Variants in PPM1L observed in about 807,000 individuals in gnomAD.
PPM1L encodes protein phosphatase, Mg2+/Mn2+ dependent 1L.
PPM1L carries 13 observed loss-of-function variants against 31.4 expected under a neutral mutation model. The observed-to-expected ratio is 0.41, with a 90% CI of 0.27 to 0.66. The LOEUF is 0.66. Among genes scored for constraint, PPM1L ranks in the 30% least tolerant of loss-of-function variants. PPM1L has a pLI of 0.29. For synonymous variants in PPM1L, 184 were observed against 175.4 expected (o/e 1.05, Z -0.39); for missense variants, 326 against 453.7 (o/e 0.72, Z 2.56).
At chr3:160,850,104 A>G (rs1189242520) in intron 1 of PPM1L, among the ~76,000 whole-genome samples, 2 of 152,136 alleles carry the variant, frequency 1.3e-5, no homozygotes, top group South Asian at 2.1e-4. Context: ...CTCCTCACCT[A>G]CGGCTATCAA....
chr3:160,893,551 C>T (rs757806381), intron 1 of PPM1L, among the ~76,000 whole-genome samples: 46 of 152,154 alleles, frequency 3.0e-4, no homozygotes, highest in Non-Finnish European at 4.6e-4. Context: ...TCTATCAGAG[C>T]TCCCTAAATG....
intron 1 of PPM1L, among the ~76,000 whole-genome samples, chr3:160,764,715 C>G (rs1018691242): frequency 2.0e-5 from 3 of 152,048 alleles, no homozygotes; most frequent in East Asian, 1.9e-4. Context: ...CAATCTGCCC[C>G]CCTCGGCCTC....
intron 2 of PPM1L, among the ~76,000 whole-genome samples, chr3:161,056,237 C>T (rs1039950865): frequency 5.3e-5 from 8 of 152,080 alleles, no homozygotes; most frequent in African/African-American, 1.9e-4. Context: ...CTGAGGCTCT[C>T]AATGTCACCC....
In PPM1L at chr3:160,944,921, GTGGAGATATATATA is replaced by G. The variant is rs1397160711; in HGVS notation, c.400-16813_400-16800del. On this transcript the variant is annotated intron_variant, in intron 1 of 3. Transcript: ENST00000498165. ...ACTGATGTTACATATATAATATATA[GTGGAGATATATATA>G]TTATATATAACTATATATAACTATA... Among the ~76,000 whole-genome samples, 365 of 59,732 alleles carry G rather than the reference GTGGAGATATATATA, an allele frequency of 6.1e-3. 11 individuals carry two copies. The highest frequency in any genetic ancestry group is 9.0e-3 in the East Asian group (26 of 2,890). The allele number at this position is 59,732 out of a possible 152,430, so 39.2% of individuals were successfully genotyped here. A position where few individuals can be genotyped will look rare whatever the true frequency, so the allele number is the denominator to read the frequency against.
chr3:160,766,474 T>G (rs1463872223), intron 1 of PPM1L, among the ~76,000 whole-genome samples: 2 of 152,192 alleles, frequency 1.3e-5, no homozygotes, highest in Non-Finnish European at 2.9e-5. Context: ...TCATGAGATC[T>G]GATGGTTTTA....
At chr3:160,859,025 A>G (rs1371485471) in intron 1 of PPM1L, among the ~76,000 whole-genome samples, 1 of 152,172 alleles carries the variant, frequency 6.6e-6, no homozygotes, top group African/African-American at 2.4e-5. Context: ...TAGGCAACCC[A>G]GAATGGATGG....
intron 2 of PPM1L, among the ~76,000 whole-genome samples, chr3:161,006,576 T>G (rs1717713377): frequency 1.3e-5 from 2 of 152,134 alleles, no homozygotes; most frequent in Admixed American, 6.5e-5. Flanking sequence ...GGTGAAAAAC[T>G]TTTTTTAATA....
chr3:160,834,185 A>T (rs1407352598), intron 1 of PPM1L, among the ~76,000 whole-genome samples: 3 of 151,804 alleles, frequency 2.0e-5, no homozygotes, highest in Non-Finnish European at 4.4e-5. Flanking sequence ...CATCATGCCC[A>T]GATAATTTTT....
Position 160,763,542 on chromosome 3 carries a change from G to A in PPM1L, c.399+6835G>A, listed in dbSNP as rs370786264. Reference sequence around the variant, plus strand: ...TACCAGCATGCTAGGTCCCCCTGTTGAGCCATGGCCTGGGGTTTGGGATAC... The same window carrying A: ...TACCAGCATGCTAGGTCCCCCTGTTAAGCCATGGCCTGGGGTTTGGGATAC... On this transcript the variant is annotated intron_variant, in intron 1 of 3. Transcript: ENST00000498165. Among the ~76,000 whole-genome samples the A allele has an allele frequency of 7.4e-4, 113 of 152,326 alleles. 3 individuals carry two copies. In the South Asian group the frequency reaches 0.022, roughly 30 times the overall value.
intron 1 of PPM1L, among the ~76,000 whole-genome samples, chr3:160,925,943 AAGCTAATCTCAC>A (rs1399774167): frequency 6.6e-6 from 1 of 152,178 alleles, no homozygotes; most frequent in African/African-American, 2.4e-5. Flanking sequence ...GCTGTAGTAT[AAGCTAATCTCAC>A]AGCCACAAAC....
chr3:160,921,455 C>CT (rs1714400365), intron 1 of PPM1L, among the ~76,000 whole-genome samples: 1 of 152,140 alleles, frequency 6.6e-6, no homozygotes, highest in African/African-American at 2.4e-5. Flanking sequence ...CTAGTTTCTT[C>CT]TTTTTTATGT....
At chr3:160,948,859 T>G (rs1013249627) in intron 1 of PPM1L, among the ~76,000 whole-genome samples, 2 of 152,178 alleles carry the variant, frequency 1.3e-5, no homozygotes, top group African/African-American at 4.8e-5. Context: ...CAACCCTAGA[T>G]GTACATCAGA....
intron 2 of PPM1L, among the ~76,000 whole-genome samples, chr3:160,985,406 A>G (rs1716932074): frequency 6.6e-6 from 1 of 152,242 alleles, no homozygotes; most frequent in Admixed American, 6.5e-5. Context: ...AGTAGATGAA[A>G]GGACCTCATT....
At chr3:160,995,380 G>A (rs1717279810) in intron 2 of PPM1L, among the ~76,000 whole-genome samples, 1 of 152,034 alleles carries the variant, frequency 6.6e-6, no homozygotes, top group Non-Finnish European at 1.5e-5. Flanking sequence ...GAGTGAAATG[G>A]CACAATCTCG....
chr3:160,985,066 T>C (rs779209098), intron 2 of PPM1L, among the ~76,000 whole-genome samples: 4 of 152,216 alleles, frequency 2.6e-5, no homozygotes, highest in African/African-American at 4.8e-5. Context: ...TCAACCTTTG[T>C]AGCATATTAA....
rs140773689 is a variant in PPM1L at position 160,852,374 on chromosome 3, G to A, written c.399+95667G>A. Among the ~76,000 whole-genome samples the A allele has an allele frequency of 5.8e-4, 88 of 152,280 alleles. No homozygotes were observed. In the East Asian group the frequency reaches 0.012, roughly 21 times the overall value. On this transcript the variant is annotated intron_variant, in intron 1 of 3. Coordinates refer to ENST00000498165, the MANE Select transcript of PPM1L (RefSeq NM_139245.4). ...TAAGGAAAATATTTATTCATTAAAAGCAATGCTGTATTTTAATGAAGCATG... is the reference window on the plus strand; with the variant it reads ...TAAGGAAAATATTTATTCATTAAAAACAATGCTGTATTTTAATGAAGCATG...
At chr3:161,019,109 T>C (rs1718167060) in intron 2 of PPM1L, among the ~76,000 whole-genome samples, 1 of 152,234 alleles carries the variant, frequency 6.6e-6, no homozygotes, top group Non-Finnish European at 1.5e-5. Context: ...ATTTGGTTAA[T>C]TATTTTAGAT....
chr3:160,815,821 C>T (rs2108087861), intron 1 of PPM1L, among the ~76,000 whole-genome samples: 1 of 152,102 alleles, frequency 6.6e-6, no homozygotes, highest in East Asian at 1.9e-4. Flanking sequence ...TTACATTTTG[C>T]TTAGGGCAGG....
At chr3:160,820,306 T>C (rs1713156479) in intron 1 of PPM1L, among the ~76,000 whole-genome samples, 1 of 152,148 alleles carries the variant, frequency 6.6e-6, no homozygotes, top group African/African-American at 2.4e-5. Context: ...GCTTTCAACA[T>C]GTAGTGCTAC....
Sources: allele counts gnomAD v4.1 joint callset (sites outside exome capture counted in the v4.1 genomes callset), GRCh38; gene constraint gnomAD v4.1.1; transcripts MANE v1.5; gene names NCBI Gene and HGNC (gene_info 2026-07-23, HGNC 2026-07-21).